Variants in KCTD16 observed in about 807,000 individuals in gnomAD.
KCTD16 encodes BTB/POZ domain-containing protein KCTD16.
Under a neutral mutation model 33.2 loss-of-function variants are expected in KCTD16, and 13 were observed. The observed-to-expected ratio is 0.39, with a 90% CI of 0.25 to 0.62. The LOEUF (loss-of-function observed/expected upper bound fraction) is 0.62, where lower values mean the gene tolerates loss of function less well. Among genes scored for constraint, KCTD16 ranks in the 20% least tolerant of loss-of-function variants. The pLI is 0.50. For synonymous variants in KCTD16, 197 were observed against 195.3 expected, an observed-to-expected ratio of 1.01 and a Z score of -0.07; for missense variants, 441 against 525.1, an observed-to-expected ratio of 0.84 and a Z score of 1.57.
At chr5:144,330,272 G>A (rs545961201) in intron 3 of KCTD16, among the ~76,000 whole-genome samples, 25 of 151,898 alleles carry the variant, frequency 1.6e-4, no homozygotes, top group African/African-American at 5.6e-4. Flanking sequence ...AATTAGCCAC[G>A]CGAGTTGGTG....
At chr5:144,352,177 T>C (rs1208582696) in intron 3 of KCTD16, among the ~76,000 whole-genome samples, 1 of 152,074 alleles carries the variant, frequency 6.6e-6, no homozygotes. Context: ...ATAAAGAAAA[T>C]AAAGCAGAGG....
chr5:144,299,072 A>ATATATATATATATTTTTTTT (rs1491103244), intron 3 of KCTD16, among the ~76,000 whole-genome samples: 5 of 57,432 alleles, frequency 8.7e-5, no homozygotes, highest in Admixed American at 1.9e-4. Flanking sequence ...ATATATATAT[A>ATATATATATATATTTTTTTT]TTTTTGTATA....
chr5:144,336,848 A>T (rs1228137776), intron 3 of KCTD16, among the ~76,000 whole-genome samples: 2 of 151,984 alleles, frequency 1.3e-5, no homozygotes, highest in African/African-American at 4.8e-5. Context: ...ATACTCCTAC[A>T]TGCCTCTCAT....
intron 3 of KCTD16, among the ~76,000 whole-genome samples, chr5:144,425,137 A>G (rs962284406): frequency 3.3e-5 from 5 of 152,166 alleles, no homozygotes; most frequent in African/African-American, 1.2e-4. Flanking sequence ...CAGAAATACA[A>G]TAGTAGATCA....
intron 3 of KCTD16, among the ~76,000 whole-genome samples, chr5:144,345,126 G>T (rs947981194): frequency 1.3e-5 from 2 of 148,320 alleles, no homozygotes; most frequent in Admixed American, 6.9e-5. Flanking sequence ...AACACCGCAT[G>T]TTCTCACTCC....
chr5:144,400,318 TC>T (rs1448273414), intron 3 of KCTD16, among the ~76,000 whole-genome samples: 1 of 152,108 alleles, frequency 6.6e-6, no homozygotes, highest in African/African-American at 2.4e-5. Flanking sequence ...AAGGGAGGAA[TC>T]CAGAGCCTGA....
intron 3 of KCTD16, among the ~76,000 whole-genome samples, chr5:144,380,929 A>C (rs1482538967): frequency 6.6e-6 from 1 of 152,198 alleles, no homozygotes; most frequent in African/African-American, 2.4e-5. Flanking sequence ...CAAAGTCTCC[A>C]CAAACAATTG....
chr5:144,285,902 G>T (rs142851505), intron 3 of KCTD16, among the ~76,000 whole-genome samples: 1 of 147,080 alleles, frequency 6.8e-6, no homozygotes, highest in Non-Finnish European at 1.5e-5. Context: ...AGAATTTTTC[G>T]TTTCAACCAC....
intron 3 of KCTD16, among the ~76,000 whole-genome samples, chr5:144,311,924 T>A (rs918066746): frequency 1.3e-5 from 2 of 152,162 alleles, no homozygotes; most frequent in African/African-American, 4.8e-5. Context: ...AGAAATAACT[T>A]TCAAATCTTA....
intron 3 of KCTD16, among the ~76,000 whole-genome samples, chr5:144,466,988 C>CTATATAT (rs1554096546): frequency 9.9e-6 from 1 of 100,602 alleles, no homozygotes; most frequent in African/African-American, 4.0e-5. Flanking sequence ...ATATATAACA[C>CTATATAT]TATATATATT....
chr5:144,352,339 T>C (rs1009018962), intron 3 of KCTD16, among the ~76,000 whole-genome samples: 2 of 152,088 alleles, frequency 1.3e-5, no homozygotes, highest in African/African-American at 4.8e-5. Flanking sequence ...GATAGGACAT[T>C]GTGAGGTTCA....
intron 2 of KCTD16, among the ~76,000 whole-genome samples, chr5:144,180,273 T>C (rs1752594145): frequency 1.3e-5 from 2 of 152,282 alleles, no homozygotes; most frequent in South Asian, 4.1e-4. Flanking sequence ...CACTGAGGGA[T>C]AGCATACTTT....
chr5:144,387,851 T>G (rs1178810712), intron 3 of KCTD16, among the ~76,000 whole-genome samples: 1 of 151,596 alleles, frequency 6.6e-6, no homozygotes, highest in Non-Finnish European at 1.5e-5. Flanking sequence ...CATTGAAGAG[T>G]TTTTTAGAGC....
At chr5:144,254,093 A>G (rs932516622) in intron 3 of KCTD16, among the ~76,000 whole-genome samples, 4 of 152,062 alleles carry the variant, frequency 2.6e-5, no homozygotes, top group African/African-American at 9.6e-5. Context: ...AGGTCTTTGG[A>G]GAAAACCAAT....
intron 3 of KCTD16, among the ~76,000 whole-genome samples, chr5:144,435,294 C>T (rs573101024): frequency 1.2e-3 from 176 of 152,250 alleles, no homozygotes; most frequent in Non-Finnish European, 2.1e-3. Context: ...TAGTATCACC[C>T]GTAGATTTGT....
intron 3 of KCTD16, among the ~76,000 whole-genome samples, chr5:144,352,971 C>CA (rs1188541667): frequency 6.6e-6 from 1 of 152,188 alleles, no homozygotes; most frequent in Non-Finnish European, 1.5e-5. Context: ...TGATTTTGTT[C>CA]ATTCCACTCA....
At chr5:144,450,537 G>GA (rs1330377022) in intron 3 of KCTD16, among the ~76,000 whole-genome samples, 1 of 151,864 alleles carries the variant, frequency 6.6e-6, no homozygotes, top group Non-Finnish European at 1.5e-5. Flanking sequence ...TCAAGATATG[G>GA]AAAAAACCCA....
intron 3 of KCTD16, among the ~76,000 whole-genome samples, chr5:144,399,846 T>C (rs1390879199): frequency 1.3e-5 from 2 of 152,210 alleles, no homozygotes; most frequent in Non-Finnish European, 2.9e-5. Flanking sequence ...AGATTGATTC[T>C]ATCTCTGATA....
At chr5:144,319,966 A>T (rs1468214294) in intron 3 of KCTD16, among the ~76,000 whole-genome samples, 2 of 152,134 alleles carry the variant, frequency 1.3e-5, no homozygotes, top group African/African-American at 4.8e-5. Flanking sequence ...TTATATTAGC[A>T]AAGAGTTATA....
Sources: allele counts gnomAD v4.1 joint callset (sites outside exome capture counted in the v4.1 genomes callset), GRCh38; gene constraint gnomAD v4.1.1; transcripts MANE v1.5; gene names NCBI Gene and HGNC (gene_info 2026-07-23, HGNC 2026-07-21).